The following MME variants were observed in gnomAD, a reference collection of about 807,000 sequenced individuals.
MME encodes neprilysin.
MME carries 98 observed loss-of-function variants against 113.2 expected under a neutral mutation model. The ratio of observed to expected loss-of-function variants is 0.87; its 90% CI spans 0.74 to 1.02. MME has a LOEUF of 1.02. Among genes scored for constraint, MME ranks in the 50% least tolerant of loss-of-function variants. MME has a pLI of 0.00. For missense variants in MME, 836 were observed against 896.0 expected, an observed-to-expected ratio of 0.93 and a Z score of 0.86; for synonymous variants, 292 against 300.6, an observed-to-expected ratio of 0.97 and a Z score of 0.30.
intron 8 of MME, 64 bp from the exon 9 acceptor site, chr3:155,138,038 T>A: frequency 1.3e-6 from 2 of 1,569,552 alleles, no homozygotes; most frequent in Non-Finnish European, 1.8e-6. Context: ...TGAAAATAAA[T>A]TTTAAGTACC....
rs76758705 is a variant in MME, at chr3:155,118,475, A to T, written c.655-271A>T. On this transcript the variant is annotated intron_variant, in intron 7 of 22. Coordinates refer to ENST00000360490, the MANE Select transcript of MME (RefSeq NM_007289.4). The stretch of plus-strand genomic sequence containing the variant: ...CTTGCACCTTCTGCTCTGCATTAAA[A>T]ATCCCTCCTAGTAAATCTTTTGTTC... 1.9e-3 allele frequency among the ~76,000 whole-genome samples: 290 copies of T among 152,316 alleles called. 2 individuals are homozygous for T. Among genetic ancestry groups the T allele is most frequent in the African/African-American group, 6.8e-3 (282 of 41,576 alleles).
rs200191547 is a variant in MME at position 155,143,510 on chromosome 3, T to C, written c.1256T>C (p.Met419Thr). Reference protein sequence around the residue: ...RRCANYVNGNMENAVGRLYVE... With the variant: ...RRCANYVNGNTENAVGRLYVE... ...TGTGCAAACTATGTCAATGGGAATATGGAAAATGCTGTGGGGAGGCTTTAT... is the reference window on the plus strand; with the variant it reads ...TGTGCAAACTATGTCAATGGGAATACGGAAAATGCTGTGGGGAGGCTTTAT... Residue 419 changes from methionine to threonine, a missense_variant, in exon 13 of 23, where the codon ATG becomes ACG. Transcript: ENST00000360490. The C allele has an allele frequency of 9.3e-6, 15 of 1,612,794 alleles. No individual in the cohort carries two copies. Among genetic ancestry groups the C allele is most frequent in the South Asian group, 3.3e-5 (3 of 91,082 alleles).
intron 3 of MME, among the ~76,000 whole-genome samples, chr3:155,087,699 A>G (rs1054097817): frequency 2.0e-5 from 3 of 151,722 alleles, no homozygotes; most frequent in African/African-American, 7.3e-5. Context: ...TTCTCTCACT[A>G]TTTTTCCTTT....
chr3:155,157,724 T>C (rs1381317697), intron 16 of MME, among the ~76,000 whole-genome samples: 1 of 152,170 alleles, frequency 6.6e-6, no homozygotes, highest in East Asian at 1.9e-4. Context: ...TCCTGTGCTT[T>C]TGGTAATTCC....
At chr3:155,050,066 T>C (rs1454621428) in intron 1 of MME, among the ~76,000 whole-genome samples, 1 of 152,192 alleles carries the variant, frequency 6.6e-6, no homozygotes, top group Non-Finnish European at 1.5e-5. Context: ...CTCCCAGTTG[T>C]AAGTGAGAAC....
chr3:155,043,940 T>C (rs114545568), intron 1 of MME, among the ~76,000 whole-genome samples: 1,530 of 152,208 alleles, frequency 0.01, 21 homozygotes, highest in African/African-American at 0.033. Flanking sequence ...CTGATGAACT[T>C]TAATTAATTT....
At chr3:155,113,064 A>G (rs1291827895) in intron 3 of MME, among the ~76,000 whole-genome samples, 1 of 152,180 alleles carries the variant, frequency 6.6e-6, no homozygotes, top group Non-Finnish European at 1.5e-5. Flanking sequence ...TGAATGTTGA[A>G]TGATGGGTAG....
intron 3 of MME, among the ~76,000 whole-genome samples, chr3:155,089,218 C>T (rs1190478182): frequency 2.0e-5 from 3 of 152,232 alleles, no homozygotes; most frequent in South Asian, 2.1e-4. Context: ...TATTATTCAT[C>T]GCTTATTTAC....
intron 8 of MME, among the ~76,000 whole-genome samples, chr3:155,130,925 A>C (rs1720098603): frequency 6.6e-6 from 1 of 152,212 alleles, no homozygotes; most frequent in African/African-American, 2.4e-5. Context: ...GGCAGTAGAC[A>C]TTCCAAGGAA....
intron 1 of MME, among the ~76,000 whole-genome samples, chr3:155,050,551 C>T (rs60435073): frequency 0.097 from 14,699 of 152,014 alleles, 1,153 homozygotes; most frequent in African/African-American, 0.22. Flanking sequence ...TATGTCATCA[C>T]GGTTTTGATT....
chr3:155,176,311 A>G (rs968035322), intron 22 of MME, among the ~76,000 whole-genome samples: 1 of 152,206 alleles, frequency 6.6e-6, no homozygotes, highest in Non-Finnish European at 1.5e-5. Flanking sequence ...TCAGCAGTAC[A>G]ATAAGTTATT....
chr3:155,084,944 G>T, intron 2 of MME, 115 bp from the exon 3 acceptor site: 2 of 656,696 alleles, frequency 3.0e-6, no homozygotes, highest in South Asian at 2.0e-5. Flanking sequence ...TCAGTTTTTA[G>T]TTCTTGCTTT....
chr3:155,155,110 G>A (rs1290650753), intron 16 of MME, among the ~76,000 whole-genome samples: 3 of 152,044 alleles, frequency 2.0e-5, no homozygotes, highest in African/African-American at 4.8e-5. Context: ...TGTTCTATTG[G>A]CAAAAAGATT....
intron 16 of MME, among the ~76,000 whole-genome samples, chr3:155,151,192 A>T (rs1721903858): frequency 6.6e-6 from 1 of 152,170 alleles, no homozygotes; most frequent in South Asian, 2.1e-4. Flanking sequence ...CTACTTGTCC[A>T]CATAGCCCGT....
chr3:155,147,586 C>T (rs1721616341), intron 15 of MME, among the ~76,000 whole-genome samples: 1 of 152,238 alleles, frequency 6.6e-6, no homozygotes, highest in Non-Finnish European at 1.5e-5. Flanking sequence ...TCTAAGTTTT[C>T]CTCTACTGGA....
chr3:155,081,456 A>T (rs969949034), intron 1 of MME: 1 of 152,182 alleles, frequency 6.6e-6, no homozygotes, highest in Admixed American at 6.5e-5. Context: ...GGTTCTTGTT[A>T]TCTTAGACCT....
rs375446154 is a variant in MME at position 155,115,066 on chromosome 3, G to T, written c.269G>T (p.Gly90Val). The T allele has an allele frequency of 1.1e-5, 18 of 1,614,074 alleles. No individual in the cohort carries two copies. The highest frequency in any genetic ancestry group is 1.3e-5 in the Non-Finnish European group (15 of 1,180,010). The change falls in exon 4 of 23, where the codon GGC becomes GTC. Residue 90 changes from glycine (G) to valine (V), a missense_variant. Gly to Val is a moderately radical substitution (Grantham distance 109, BLOSUM62 -3). Coordinates refer to ENST00000360490, the MANE Select transcript of MME (RefSeq NM_007289.4). ...GACTTTTTCAAATATGCTTGCGGAG[G>T]CTGGTTGAAACGTAATGTCATTCCC... ...CTDFFKYACG[G>V]WLKRNVIPET...
chr3:155,173,135 G>T (rs1270401066), intron 22 of MME, among the ~76,000 whole-genome samples: 1 of 152,090 alleles, frequency 6.6e-6, no homozygotes, highest in African/African-American at 2.4e-5. Flanking sequence ...TGAGCTAGAA[G>T]AAGTTAAAGT....
chr3:155,088,861 T>A (rs1328716906), intron 3 of MME, among the ~76,000 whole-genome samples: 1 of 152,170 alleles, frequency 6.6e-6, no homozygotes, highest in East Asian at 1.9e-4. Flanking sequence ...TTACATTATA[T>A]GAAAGATGGC....
Sources: gnomAD v4.1 joint callset for allele counts (sites outside exome capture counted in the v4.1 genomes callset) on GRCh38, gnomAD v4.1.1 for gene constraint, MANE v1.5 for transcripts, NCBI Gene and HGNC (gene_info 2026-07-23, HGNC 2026-07-21) for gene names.